Variants in ATG7 observed in about 807,000 individuals in gnomAD.
The protein encoded by ATG7 is autophagy related 7, also known as ubiquitin-like modifier-activating enzyme ATG7.
In ATG7, 70 loss-of-function variants were observed where a neutral mutation model predicts 82.4. The ratio of observed to expected loss-of-function variants is 0.85; its 90% confidence interval spans 0.70 to 1.04. ATG7 has a LOEUF of 1.04. Among genes scored for constraint, ATG7 ranks in the 50% least tolerant of loss-of-function variants. ATG7 has a pLI of 0.00. For missense variants in ATG7, 792 were observed against 864.3 expected (o/e 0.92, Z 1.05); for synonymous variants, 287 against 313.0 (o/e 0.92, Z 0.88).
intron 1 of ATG7, among the ~76,000 whole-genome samples, chr3:11,274,331 G>A (rs1402329819): frequency 6.6e-6 from 1 of 152,136 alleles, no homozygotes; most frequent in African/African-American, 2.4e-5. Context: ...CAAGGAGATA[G>A]CAACGGTATG....
rs193183121 is a variant in ATG7, at chr3:11,304,232, G to A, written c.216-2711G>A. ...AGGCACACTCGTGTGTGGGGCAGAG[G>A]CTGTGTCTTTCTTATTCTCTGCTGT... On this transcript the variant is annotated intron_variant, in intron 5 of 20. Transcript: ENST00000693202. 8.2e-3 allele frequency among the ~76,000 whole-genome samples: 1,249 copies of A among 152,328 alleles called. 6 individuals are homozygous for A. Among genetic ancestry groups the A allele is most frequent in the Non-Finnish European group, 0.012 (798 of 68,034 alleles).
At chr3:11,299,017 T>C (rs1946379639) in intron 4 of ATG7, 162 bp downstream of exon 4, 3 of 776,970 alleles carry the variant, frequency 3.9e-6, no homozygotes, top group African/African-American at 3.5e-5. Context: ...CAGTTCATTT[T>C]CATTTATTTT....
chr3:11,406,790 A>G (rs951455766), intron 19 of ATG7, among the ~76,000 whole-genome samples: 8 of 152,184 alleles, frequency 5.3e-5, no homozygotes, highest in African/African-American at 1.7e-4. Context: ...CATAAGACCC[A>G]TTAACCATCA....
intron 4 of ATG7, chr3:11,299,092 T>A: frequency 1.7e-6 from 1 of 601,552 alleles, no homozygotes. Flanking sequence ...ATAATACCCA[T>A]TACTTAGCAT....
At chr3:11,480,482 T>C (rs544949252) in intron 20 of ATG7, among the ~76,000 whole-genome samples, 1 of 152,124 alleles carries the variant, frequency 6.6e-6, no homozygotes, top group Admixed American at 6.5e-5. Flanking sequence ...GGGGGTGCGA[T>C]GGTTTGCGGC....
chr3:11,303,595 G>A (rs914019299), intron 5 of ATG7, among the ~76,000 whole-genome samples: 1 of 151,696 alleles, frequency 6.6e-6, no homozygotes, highest in African/African-American at 2.4e-5. Flanking sequence ...GTGAACCCGG[G>A]AGGCGGAGCT....
chr3:11,337,100 T>C (rs1952634887), intron 11 of ATG7, among the ~76,000 whole-genome samples: 1 of 152,150 alleles, frequency 6.6e-6, no homozygotes, highest in African/African-American at 2.4e-5. Flanking sequence ...CTTAACTCTG[T>C]TTTTTCTTGT....
chr3:11,529,303 T>A (rs971388629), intron 20 of ATG7, among the ~76,000 whole-genome samples: 3 of 152,186 alleles, frequency 2.0e-5, no homozygotes, highest in Non-Finnish European at 2.9e-5. Context: ...GATCATTGAT[T>A]GGGAGGAAAA....
chr3:11,569,867 C>A, the ATG7 span, among the ~76,000 whole-genome samples: 1 of 152,262 alleles, frequency 6.6e-6, no homozygotes, highest in African/African-American at 2.4e-5. Context: ...GGTGACAGAG[C>A]AAGACCCTGT....
At chr3:11,387,498 G>A (rs2078411220) in intron 19 of ATG7, among the ~76,000 whole-genome samples, 1 of 152,136 alleles carries the variant, frequency 6.6e-6, no homozygotes, top group South Asian at 2.1e-4. Flanking sequence ...GTTCTCCTTA[G>A]ATGGTTCCAT....
intron 20 of ATG7, among the ~76,000 whole-genome samples, chr3:11,438,512 G>T (rs1462930485): frequency 6.6e-6 from 1 of 152,102 alleles, no homozygotes; most frequent in Non-Finnish European, 1.5e-5. Flanking sequence ...GTTGCAGTGA[G>T]CCAAGATTGT....
chr3:11,322,517 A>G (rs546063853), intron 9 of ATG7, among the ~76,000 whole-genome samples: 2 of 152,166 alleles, frequency 1.3e-5, no homozygotes, highest in South Asian at 4.1e-4. Context: ...TTAATATACA[A>G]ACTTTTTGTA....
intron 20 of ATG7, among the ~76,000 whole-genome samples, chr3:11,528,898 A>G (rs1223896810): frequency 5.3e-5 from 8 of 152,094 alleles, no homozygotes; most frequent in Admixed American, 3.9e-4. Context: ...ACAGCAGAAG[A>G]TAAGTCATAA....
intron 3 of ATG7, among the ~76,000 whole-genome samples, chr3:11,293,723 C>T (rs528904722): frequency 6.7e-6 from 1 of 149,466 alleles, no homozygotes; most frequent in South Asian, 2.1e-4. Context: ...TGGTGGCTCA[C>T]GCCTGTAATC....
chr3:11,316,220 T>C (rs1174484165), intron 9 of ATG7, among the ~76,000 whole-genome samples: 2 of 152,168 alleles, frequency 1.3e-5, no homozygotes, highest in Non-Finnish European at 2.9e-5. Flanking sequence ...ACATTTAGTG[T>C]ATCATTCATT....
At chr3:11,568,907 C>A in the ATG7 span, 1 of 1,287,078 alleles carries the variant, frequency 7.8e-7, no homozygotes, top group Non-Finnish European at 9.9e-7. The surrounding 1 kb of genome is among the most constrained non-coding windows in gnomAD (Gnocchi z 5.9). Context: ...GGCCTCATCC[C>A]CATCCTAGGC....
In ATG7 at chr3:11,323,487, C is replaced by T. The variant is rs1409216540; in HGVS notation, c.679-7853C>T. 3.3e-5 allele frequency among the ~76,000 whole-genome samples: 5 copies of T among 152,206 alleles called. No individual in the cohort carries two copies. The East Asian group carries it at 9.6e-4, about 29-fold the overall frequency. ...TTCTCTCAATGAAATGTGGATTCCACAGTCGCACTCCATTGCTACAACAGA... is the reference window on the plus strand; with the variant it reads ...TTCTCTCAATGAAATGTGGATTCCATAGTCGCACTCCATTGCTACAACAGA... On this transcript the variant is annotated intron_variant, in intron 9 of 20. Transcript: ENST00000693202.
chr3:11,362,381 A>G (rs1220700208), intron 16 of ATG7, among the ~76,000 whole-genome samples: 1 of 152,220 alleles, frequency 6.6e-6, no homozygotes, highest in African/African-American at 2.4e-5. Flanking sequence ...CTCCCATCTC[A>G]CGGTCACTTT....
intron 20 of ATG7, among the ~76,000 whole-genome samples, chr3:11,521,521 G>A (rs577896828): frequency 6.6e-6 from 1 of 151,686 alleles, no homozygotes; most frequent in African/African-American, 2.4e-5. Context: ...TGCCGTGGGA[G>A]CAGCATGGCC....
Sources: gnomAD v4.1 joint callset for allele counts (sites outside exome capture counted in the v4.1 genomes callset) on GRCh38, gnomAD v4.1.1 for gene constraint, Gnocchi (gnomAD v3.1) non-coding constraint, MANE v1.5 for transcripts, NCBI Gene and HGNC (gene_info 2026-07-23, HGNC 2026-07-21) for gene names.